The following SULT2B1 variants were observed in gnomAD, a reference collection of about 807,000 sequenced individuals.
SULT2B1 encodes sulfotransferase 2B1.
A neutral mutation model predicts 33.2 loss-of-function variants in SULT2B1; 16 were observed. That is an observed-to-expected ratio of 0.48 (90% CI 0.33 to 0.73). SULT2B1 has a LOEUF of 0.73. Among genes scored for constraint, SULT2B1 ranks in the 30% least tolerant of loss-of-function variants. The pLI, the probability that SULT2B1 is intolerant of heterozygous loss-of-function variation, is 0.02. For missense variants in SULT2B1, 500 were observed against 506.0 expected, an observed-to-expected ratio of 0.99 and a Z score of 0.11; for synonymous variants, 186 against 200.5, an observed-to-expected ratio of 0.93 and a Z score of 0.61.
chr19:48,569,569 G>C (rs112418497), intron 1 of SULT2B1, among the ~76,000 whole-genome samples: 97,563 of 150,448 alleles, frequency 0.65, 32,441 homozygotes, highest in African/African-American at 0.75. Flanking sequence ...ACTCTGTGTA[G>C]CCCAGGCTGG....
intron 6 of SULT2B1, among the ~76,000 whole-genome samples, chr19:48,598,358 G>A (rs1324597327): frequency 3.9e-5 from 6 of 152,044 alleles, no homozygotes; most frequent in Admixed American, 6.6e-5. Context: ...TTGGGAGGCC[G>A]AGGCAGGTGG....
rs370351058 is a variant in SULT2B1 at position 48,598,571 on chromosome 19, G to A, written c.827-564G>A. On this transcript the variant is annotated intron_variant, in intron 6 of 6. Coordinates refer to ENST00000201586, the MANE Select transcript of SULT2B1 (RefSeq NM_177973.2). ...TGCACTCCAGCCTGGGCGACAGAGC[G>A]AGACTCCATCTCAAAAAGAAAAAAA... 4.1e-3 allele frequency among the ~76,000 whole-genome samples: 625 copies of A among 152,140 alleles called. 49 individuals carry two copies. The South Asian group carries it at 0.12, about 30-fold the overall frequency.
chr19:48,552,292 G>A lies in SULT2B1; in HGVS notation c.40G>A (p.Asp14Asn). The change falls in exon 1 of 7, where the codon GAC becomes AAC. Residue 14 changes from aspartate to asparagine, a missense_variant. By Grantham distance (23) the Asp-to-Asn change is conservative (BLOSUM62 1). Transcript: ENST00000201586. This position sits in a 1 kb window ranked among gnomAD's most constrained non-coding sequence, Gnocchi z 4.8. ...PAEPQIPGLW[D>N]TYEDDISEIS... ...CGAGCCCCAGATCCCGGGCTTGTGG[G>A]ACACCTATGAAGATGACATCTCGGA... 6.2e-7 allele frequency: 1 copy of A among 1,614,042 alleles called. No individual in the cohort carries two copies. Among genetic ancestry groups the A allele is most frequent in the Non-Finnish European group, 8.5e-7 (1 of 1,179,960 alleles).
chr19:48,572,557 G>A (rs1973345468), intron 1 of SULT2B1, among the ~76,000 whole-genome samples: 1 of 151,356 alleles, frequency 6.6e-6, no homozygotes, highest in Non-Finnish European at 1.5e-5. Context: ...CCTGTGTCGA[G>A]GTGGAAGGAG....
intron 1 of SULT2B1, 131 bp from the exon 2 acceptor site, chr19:48,575,810 A>C (rs1170099691): frequency 6.8e-7 from 1 of 1,472,826 alleles, no homozygotes; most frequent in African/African-American, 1.4e-5. Flanking sequence ...GGACAGTGTC[A>C]CCACTTTACA....
At chr19:48,584,868 T>C (rs1455292829) in intron 2 of SULT2B1, among the ~76,000 whole-genome samples, 2 of 151,982 alleles carry the variant, frequency 1.3e-5, no homozygotes, top group African/African-American at 4.8e-5. Context: ...CTGGCCAACA[T>C]GGCAAAACCC....
chr19:48,582,712 G>T (rs10420892), intron 2 of SULT2B1, among the ~76,000 whole-genome samples: 1 of 151,564 alleles, frequency 6.6e-6, no homozygotes, highest in African/African-American at 2.4e-5. Context: ...GCATGGTGGT[G>T]CGCGCCTGTG....
At position 48,599,290 on chromosome 19, in the gene SULT2B1, G is replaced by A; in HGVS notation, c.982G>A (p.Glu328Lys). ...SPDPEPSPEPEPKPSLEPNTS... is the reference protein window; with the variant it reads ...SPDPEPSPEPKPKPSLEPNTS... ...AGATCCTGAGCCCAGCCCTGAGCCT[G>A]AGCCCAAGCCCAGCCTTGAGCCCAA... Residue 328 changes from glutamate (E) to lysine (K), a missense_variant, in exon 7 of 7, where the codon GAG (glutamate) becomes AAG (lysine). By Grantham distance (56) the Glu-to-Lys change is moderately conservative. Transcript: ENST00000201586. This position sits in a 1 kb window ranked among gnomAD's most constrained non-coding sequence, Gnocchi z 4.1. The A allele has an allele frequency of 6.2e-7, 1 of 1,610,496 alleles. No individual in the cohort carries two copies. The highest frequency in any genetic ancestry group is 8.5e-7 in the Non-Finnish European group (1 of 1,178,634).
chr19:48,576,106 C>A, intron 2 of SULT2B1, 23 bp downstream of exon 2: 2 of 1,186,398 alleles, frequency 1.7e-6, no homozygotes, highest in South Asian at 1.2e-5. Context: ...CTGCGGGCGT[C>A]GGGGGCTGGG....
At position 48,555,549 on chromosome 19, in the gene SULT2B1, CCTCTCTCTCTCTCT is replaced by C. The variant is rs142655043; in HGVS notation, c.71+3253_71+3266del. ...CCTTGCATAGGGATCCCAGAGACAT[CCTCTCTCTCTCTCT>C]CTCTCTCTCTCTCTCTCTCTCTCTC... On this transcript the variant is annotated intron_variant, in intron 1 of 6. Transcript: ENST00000201586. 5.5e-3 allele frequency among the ~76,000 whole-genome samples: 684 copies of C among 124,184 alleles called. 5 individuals carry two copies. Among genetic ancestry groups the C allele is most frequent in the African/African-American group, 0.021 (621 of 30,066 alleles). The allele number at this position is 124,184 out of a possible 152,430, so 81.5% of individuals were successfully genotyped here.
chr19:48,554,349 C>T (rs1216820694), intron 1 of SULT2B1, among the ~76,000 whole-genome samples: 1 of 148,474 alleles, frequency 6.7e-6, no homozygotes, highest in South Asian at 2.2e-4. Flanking sequence ...TCAGGGATGT[C>T]CCCTCCCCAT....
intron 2 of SULT2B1, among the ~76,000 whole-genome samples, chr19:48,576,632 A>G (rs1973415198): frequency 7.8e-6 from 1 of 129,028 alleles, no homozygotes; most frequent in East Asian, 2.4e-4. Flanking sequence ...TCACCACCAA[A>G]TTGTATACTT....
chr19:48,590,061 C>G (rs1353364454), intron 3 of SULT2B1, among the ~76,000 whole-genome samples: 2 of 152,066 alleles, frequency 1.3e-5, no homozygotes, highest in African/African-American at 4.8e-5. Context: ...CTCACTGCAA[C>G]CTCTGCCCCT....
rs532479350 is a variant in SULT2B1, at chr19:48,581,296, G to A, written c.214+5213G>A. On this transcript the variant is annotated intron_variant, in intron 2 of 6. Transcript: ENST00000201586. The stretch of plus-strand genomic sequence containing the variant: ...CAATCTCAGGTGATCCGCCCAACTC[G>A]GCCTCCCAAAGTGCTGGGATTACAG... Among the ~76,000 whole-genome samples, 8 of 143,890 alleles carry A rather than the reference G, an allele frequency of 5.6e-5. No homozygotes were observed. The East Asian group carries it at 1.3e-3, about 23-fold the overall frequency. The allele number at this position is 143,890 out of a possible 152,430, so 94.4% of individuals were successfully genotyped here.
intron 1 of SULT2B1, among the ~76,000 whole-genome samples, chr19:48,561,569 G>A (rs1218384268): frequency 1.3e-5 from 2 of 152,138 alleles, no homozygotes; most frequent in African/African-American, 2.4e-5. Flanking sequence ...AGAGCCCCAG[G>A]CGACAGGCGT....
chr19:48,580,093 A>T (rs1473290642), intron 2 of SULT2B1, among the ~76,000 whole-genome samples: 2 of 125,242 alleles, frequency 1.6e-5, no homozygotes, highest in Admixed American at 8.2e-5. Flanking sequence ...CCAGCTAATT[A>T]AAAAAACTTT....
rs2302948 is a variant in SULT2B1, at chr19:48,592,808, C to T, written c.637C>T (p.Leu213=). The change falls in exon 5 of 7, where the codon CTG becomes TTG. Residue 213 remains leucine, a synonymous_variant. Transcript: ENST00000201586. ...DNFLFITYEE[L]QQDLQGSVER... ...CTTCCTATTTATCACCTACGAGGAGCTGCAGCAGGTGAGTCCCCACCTCCT... is the reference window on the plus strand; with the variant it reads ...CTTCCTATTTATCACCTACGAGGAGTTGCAGCAGGTGAGTCCCCACCTCCT... 0.22 allele frequency: 342,785 copies of T among 1,566,548 alleles called. 39,071 individuals are homozygous for T. The highest frequency in any genetic ancestry group is 0.23 in the Non-Finnish European group (265,026 of 1,154,274).
intron 2 of SULT2B1, among the ~76,000 whole-genome samples, chr19:48,585,594 G>A (rs1264560658): frequency 6.6e-6 from 1 of 151,140 alleles, no homozygotes. Context: ...ACTTGAAACC[G>A]GGAGGCGGAG....
intron 2 of SULT2B1, among the ~76,000 whole-genome samples, 167 bp from the exon 3 acceptor site, chr19:48,587,062 A>G (rs1469503448): frequency 6.6e-6 from 1 of 152,018 alleles, no homozygotes; most frequent in Non-Finnish European, 1.5e-5. Context: ...CAGTGAGCCG[A>G]GATCGCGCCA....
Sources: gnomAD v4.1 joint callset for allele counts (sites outside exome capture counted in the v4.1 genomes callset) on GRCh38, gnomAD v4.1.1 for gene constraint, Gnocchi (gnomAD v3.1) non-coding constraint, MANE v1.5 for transcripts, NCBI Gene and HGNC (gene_info 2026-07-23, HGNC 2026-07-21) for gene names.